Variants in LNPK observed in about 807,000 individuals in gnomAD.
LNPK encodes the protein endoplasmic reticulum junction formation protein lunapark.
Under a neutral mutation model 55.2 loss-of-function variants are expected in LNPK, and 29 were observed. The observed-to-expected ratio is 0.53, with a 90% confidence interval of 0.39 to 0.72. The LOEUF is 0.72. Ranked by LOEUF, LNPK falls within the 30% of genes least tolerant of loss-of-function variation. LNPK has a pLI of 0.00. For missense variants in LNPK, 467 were observed against 494.8 expected (o/e 0.94, Z 0.53); for synonymous variants, 162 against 168.2 (o/e 0.96, Z 0.29).
rs137928583 is a variant in LNPK at position 175,979,633 on chromosome 2, C to CAAATTAA, written c.316+170_316+176dup. 7.9e-3 allele frequency among the ~76,000 whole-genome samples: 1,194 copies of CAAATTAA among 151,416 alleles called. 8 individuals are homozygous for CAAATTAA. The highest frequency in any genetic ancestry group is 0.013 in the Non-Finnish European group (911 of 67,796). On this transcript the variant is annotated intron_variant, in intron 5 of 12. Coordinates refer to ENST00000272748, the MANE Select transcript of LNPK (RefSeq NM_030650.3). ...CTAAATGAACAAGATGGAAATAACACAAATTAAAAACAGAACCATCTTGAT... is the reference window on the plus strand; with the variant it reads ...CTAAATGAACAAGATGGAAATAACACAAATTAAAAATTAAAAACAGAACCATCTTGAT...
At position 175,964,509 on chromosome 2, in the gene LNPK, T is replaced by C. The variant is rs1202882595; in HGVS notation, c.438A>G (p.Ala146=). Residue 146 remains alanine (A), a synonymous_variant, in exon 7 of 13, where the codon GCA becomes GCG. Coordinates refer to ENST00000272748, the MANE Select transcript of LNPK (RefSeq NM_030650.3). ...LERFDPDSKK[A]KECEPPSAGA... is the part of the protein sequence containing the mutation. ...AGTAGTGATATCACAGTCTTACCTT[T>C]GCTTTCTTTGAGTCCGGATCAAACC... 6.2e-7 allele frequency: 1 copy of C among 1,603,658 alleles called. No individual in the cohort carries two copies. The highest frequency in any genetic ancestry group is 8.5e-7 in the Non-Finnish European group (1 of 1,170,560).
intron 8 of LNPK, among the ~76,000 whole-genome samples, chr2:175,955,544 G>A (rs775542840): frequency 2.0e-5 from 3 of 152,214 alleles, no homozygotes; most frequent in East Asian, 1.9e-4. Flanking sequence ...CTAAACAATT[G>A]TAACAGTATG....
intron 12 of LNPK, among the ~76,000 whole-genome samples, chr2:175,933,367 G>T (rs529479995): frequency 1.3e-5 from 2 of 152,012 alleles, no homozygotes; most frequent in South Asian, 4.2e-4. Flanking sequence ...AATTTCTTAA[G>T]AAAATTAAAT....
chr2:175,942,183 C>G (rs1280388117), intron 9 of LNPK, among the ~76,000 whole-genome samples: 1 of 152,004 alleles, frequency 6.6e-6, no homozygotes, highest in Non-Finnish European at 1.5e-5. Flanking sequence ...ATATATAAGA[C>G]TTTTTATTAT....
At chr2:175,986,045 A>C (rs917383227) in intron 4 of LNPK, among the ~76,000 whole-genome samples, 2 of 152,220 alleles carry the variant, frequency 1.3e-5, no homozygotes, top group African/African-American at 2.4e-5. Context: ...TTTCTAACGA[A>C]GATATAACAG....
chr2:175,973,039 T>C (rs1686734369), intron 5 of LNPK, among the ~76,000 whole-genome samples: 1 of 152,230 alleles, frequency 6.6e-6, no homozygotes, highest in Non-Finnish European at 1.5e-5. Flanking sequence ...TTTCCATTTT[T>C]ATAGCACTTT....
chr2:175,978,915 T>C (rs1209179991), intron 5 of LNPK, among the ~76,000 whole-genome samples: 1 of 151,978 alleles, frequency 6.6e-6, no homozygotes, highest in Non-Finnish European at 1.5e-5. Context: ...GATTATAGGA[T>C]CTAATGTGAG....
chr2:175,987,224 G>A (rs952785179), intron 4 of LNPK, among the ~76,000 whole-genome samples: 22 of 152,128 alleles, frequency 1.4e-4, no homozygotes, highest in Non-Finnish European at 2.8e-4. Context: ...ACAAGCACAC[G>A]TATGTTTATT....
At chr2:175,938,569 A>C (rs1018468183) in intron 10 of LNPK, 186 bp from the exon 11 acceptor site, 5 of 390,970 alleles carry the variant, frequency 1.3e-5, no homozygotes, top group Non-Finnish European at 2.3e-5. Flanking sequence ...CCAAAGCCCA[A>C]ATTTCAAGCA....
In LNPK at chr2:175,964,521, G is replaced by A; in HGVS notation, c.426C>T (p.Asp142=). The A allele has an allele frequency of 2.5e-6, 4 of 1,607,870 alleles. No homozygotes were observed. Among genetic ancestry groups the A allele is most frequent in the Non-Finnish European group, 2.6e-6 (3 of 1,174,606 alleles). The change falls in exon 7 of 13, where the codon GAC becomes GAT. Residue 142 remains aspartate (D), a synonymous_variant. Transcript: ENST00000272748. ...AKLILERFDP[D]SKKAKECEPP... ...ACAGTCTTACCTTTGCTTTCTTTGAGTCCGGATCAAACCTTTCAAGAATTA... is the reference window on the plus strand; with the variant it reads ...ACAGTCTTACCTTTGCTTTCTTTGAATCCGGATCAAACCTTTCAAGAATTA...
intron 1 of LNPK, among the ~76,000 whole-genome samples, chr2:175,996,566 A>G (rs2105369496): frequency 6.6e-6 from 1 of 152,336 alleles, no homozygotes; most frequent in Non-Finnish European, 1.5e-5. Flanking sequence ...ACCATCTCAC[A>G]GATAAGAAAA....
chr2:175,933,608 C>G (rs34030645), intron 12 of LNPK, among the ~76,000 whole-genome samples: 1 of 151,984 alleles, frequency 6.6e-6, no homozygotes, highest in Non-Finnish European at 1.5e-5. Flanking sequence ...CAACTCAACC[C>G]AATAACTCAG....
Position 175,929,130 on chromosome 2 carries a change from T to C in LNPK, c.*837A>G. ...TTAGCAAAATGAAACTGATGCCAGA[T>C]TATTTTCATTTTCCTTAATAAAATA... On this transcript the variant is annotated 3_prime_UTR_variant, in exon 13 of 13. Coordinates refer to ENST00000272748, the MANE Select transcript of LNPK (RefSeq NM_030650.3). 1.0e-6 allele frequency: 1 copy of C among 984,420 alleles called. No individual in the cohort carries two copies. Among genetic ancestry groups the C allele is most frequent in the Non-Finnish European group, 1.2e-6 (1 of 828,654 alleles). 61.0% of individuals were successfully genotyped at this position (984,420 alleles called of 1,614,324 possible). A position where few individuals can be genotyped will look rare whatever the true frequency, so the allele number is the denominator to read the frequency against.
chr2:175,993,685 C>G (rs1041043450), intron 2 of LNPK, among the ~76,000 whole-genome samples: 1 of 151,998 alleles, frequency 6.6e-6, no homozygotes, highest in Admixed American at 6.6e-5. Flanking sequence ...CCCAGCTACT[C>G]AGGAGGCTGA....
chr2:175,937,233 C>T, intron 12 of LNPK, 111 bp downstream of exon 12: 1 of 1,027,266 alleles, frequency 9.7e-7, no homozygotes, highest in South Asian at 1.6e-5. Flanking sequence ...TTGACATATG[C>T]ATGCAGCAAA....
intron 4 of LNPK, among the ~76,000 whole-genome samples, chr2:175,981,901 T>C (rs554841585): frequency 4.6e-4 from 68 of 149,224 alleles, no homozygotes; most frequent in Middle Eastern, 3.5e-3. Context: ...TCTGTTGTTT[T>C]AAGCTACTAA....
rs1321703769 is a variant in LNPK at position 175,995,608 on chromosome 2, C to A, written c.-24G>T. 6.3e-6 allele frequency: 10 copies of A among 1,589,826 alleles called. No individual in the cohort carries two copies. Among genetic ancestry groups the A allele is most frequent in the Non-Finnish European group, 8.6e-6 (10 of 1,159,554 alleles). On this transcript the variant is annotated 5_prime_UTR_variant, in exon 2 of 13. Transcript: ENST00000272748. Reference sequence around the variant, plus strand: ...ATCTTTTATTTGTAGAAACTGGGCACAATGATAAATATCATCAATTGTCCA... The same window carrying A: ...ATCTTTTATTTGTAGAAACTGGGCAAAATGATAAATATCATCAATTGTCCA...
chr2:175,974,614 A>G (rs1686817051), intron 5 of LNPK, among the ~76,000 whole-genome samples: 3 of 152,262 alleles, frequency 2.0e-5, no homozygotes. Flanking sequence ...AAAGCCAATC[A>G]TGAGCTGTAC....
At chr2:175,984,367 A>T (rs1687313218) in intron 4 of LNPK, among the ~76,000 whole-genome samples, 1 of 151,866 alleles carries the variant, frequency 6.6e-6, no homozygotes, top group South Asian at 2.1e-4. Context: ...TTCAGAGACG[A>T]GGTTTCACAT....
Sources: gnomAD v4.1 joint callset for allele counts (sites outside exome capture counted in the v4.1 genomes callset) on GRCh38, gnomAD v4.1.1 for gene constraint, MANE v1.5 for transcripts, NCBI Gene and HGNC (gene_info 2026-07-23, HGNC 2026-07-21) for gene names.